The following TTI1 variants were observed in gnomAD, a reference collection of about 807,000 sequenced individuals.
TTI1 encodes the protein TELO2-interacting protein 1 homolog.
TTI1 carries 52 observed loss-of-function variants against 85.4 expected under a neutral mutation model. The ratio of observed to expected loss-of-function variants is 0.61; its 90% CI spans 0.49 to 0.77. The LOEUF (loss-of-function observed/expected upper bound fraction) is 0.77, where lower values mean the gene tolerates loss of function less well. Ranked by LOEUF, TTI1 falls within the 30% of genes least tolerant of loss-of-function variation. The pLI is 0.00. For missense variants in TTI1, 1,173 were observed against 1,296.0 expected (o/e 0.91, Z 1.46); for synonymous variants, 512 against 503.9 (o/e 1.02, Z -0.22).
chr20:37,989,559 G>T (rs1810245645), intron 7 of TTI1, among the ~76,000 whole-genome samples: 1 of 152,236 alleles, frequency 6.6e-6, no homozygotes, highest in Admixed American at 6.5e-5. Flanking sequence ...CATCTGGCCA[G>T]TTCTCCTGCC....
In TTI1 at chr20:37,999,346, TCAG is replaced by T. The variant is rs777112475; in HGVS notation, c.2653-21_2653-19del. The T allele has an allele frequency of 7.2e-7, 1 of 1,385,104 alleles. No individual in the cohort carries two copies. The highest frequency in any genetic ancestry group is 1.9e-5 in the South Asian group (1 of 52,850). The allele number at this position is 1,385,104 out of a possible 1,614,324, so 85.8% of individuals were successfully genotyped here. A position where few individuals can be genotyped will look rare whatever the true frequency, so the allele number is the denominator to read the frequency against. On this transcript the variant is annotated intron_variant, in intron 4 of 7. Transcript: ENST00000373447. ...TCCAAGACCTGAAAGAGACACGATT[TCAG>T]CAGATGGTATAGGCTTGAAAACAGA...
chr20:38,004,408 C>T (rs976132631), intron 3 of TTI1, among the ~76,000 whole-genome samples: 1 of 152,194 alleles, frequency 6.6e-6, no homozygotes, highest in Non-Finnish European at 1.5e-5. Flanking sequence ...CAGACTCTTA[C>T]AGTAGAGGCT....
intron 2 of TTI1, among the ~76,000 whole-genome samples, chr20:38,007,395 G>A (rs2073516862): frequency 6.6e-6 from 1 of 152,192 alleles, no homozygotes; most frequent in Non-Finnish European, 1.5e-5. Flanking sequence ...TTCAAACTGT[G>A]CCTTGAGGAG....
Position 37,996,354 on chromosome 20 carries a change from C to T in TTI1, c.3086+21G>A, listed in dbSNP as rs2273349. On this transcript the variant is annotated intron_variant, in intron 7 of 7. Transcript: ENST00000373447. ...AATTTAGAACAAACGTAAAGGGATG[C>T]GGGTGATCAGGCAGACGTACCTCCT... is the stretch of plus-strand genomic sequence containing the variant. 1.3e-5 allele frequency: 21 copies of T among 1,612,712 alleles called. No homozygotes were observed. In the East Asian group the frequency reaches 1.3e-4, roughly 10 times the overall value.
chr20:37,996,672 A>G, intron 6 of TTI1, 77 bp downstream of exon 6: 1 of 1,524,848 alleles, frequency 6.6e-7, no homozygotes. Flanking sequence ...GGGGGGCACG[A>G]CTGAGCAGAG....
At chr20:38,019,825 T>G (rs1285228971) in intron 1 of TTI1, among the ~76,000 whole-genome samples, 1 of 152,216 alleles carries the variant, frequency 6.6e-6, no homozygotes, top group Non-Finnish European at 1.5e-5. Flanking sequence ...GCAGCATCCT[T>G]GGCCTCTGTA....
At chr20:38,030,068 C>T (rs771314135) in intron 1 of TTI1, among the ~76,000 whole-genome samples, 61 of 152,212 alleles carry the variant, frequency 4.0e-4, no homozygotes, top group Middle Eastern at 3.4e-3. Context: ...AATAGCTTTA[C>T]CCATATAAAT....
chr20:37,984,150 G>C (rs143546918), intron 7 of TTI1, among the ~76,000 whole-genome samples: 382 of 152,322 alleles, frequency 2.5e-3, no homozygotes, highest in African/African-American at 8.2e-3. Flanking sequence ...TCCTGGCTGA[G>C]AGCCATGGAT....
chr20:37,983,333 G>A lies in TTI1; in HGVS notation c.*123C>T, dbSNP rs1352381183. 33 of 919,104 alleles carry A rather than the reference G, an allele frequency of 3.6e-5. No homozygotes were observed. The highest frequency in any genetic ancestry group is 3.1e-4 in the South Asian group (18 of 58,178). The allele number at this position is 919,104 out of a possible 1,614,324, so 56.9% of individuals were successfully genotyped here. A position where few individuals can be genotyped will look rare whatever the true frequency, so the allele number is the denominator to read the frequency against. ...TGTGTGATCGATCAATTTATAAATC[G>A]ATTGGCTAACTAATTCACCTTCTCT... On this transcript the variant is annotated 3_prime_UTR_variant, in exon 8 of 8. Transcript: ENST00000373447.
At chr20:38,018,556 G>T (rs1337062252) in intron 1 of TTI1, among the ~76,000 whole-genome samples, 1 of 152,038 alleles carries the variant, frequency 6.6e-6, no homozygotes, top group Non-Finnish European at 1.5e-5. Context: ...CAAAACAAAT[G>T]AAAGAGATCA....
intron 3 of TTI1, among the ~76,000 whole-genome samples, chr20:38,005,338 A>ATTG (rs2073480742): frequency 6.6e-6 from 1 of 152,182 alleles, no homozygotes; most frequent in South Asian, 2.1e-4. Context: ...CCGTGACCTG[A>ATTG]AGCTCCAGAT....
chr20:38,026,070 C>T (rs573641416), intron 1 of TTI1, among the ~76,000 whole-genome samples: 5 of 152,278 alleles, frequency 3.3e-5, no homozygotes, highest in African/African-American at 1.2e-4. Flanking sequence ...AGAAATTTAT[C>T]CCAAGACTCT....
At chr20:37,997,652 G>T (rs981076916) in intron 5 of TTI1, among the ~76,000 whole-genome samples, 1 of 152,158 alleles carries the variant, frequency 6.6e-6, no homozygotes, top group Non-Finnish European at 1.5e-5. Context: ...TTTAAAAATT[G>T]GTAAGCAAGG....
At chr20:38,023,727 G>T (rs2073799765) in intron 1 of TTI1, among the ~76,000 whole-genome samples, 2 of 152,338 alleles carry the variant, frequency 1.3e-5, no homozygotes, top group African/African-American at 4.8e-5. Flanking sequence ...AAAGAAGCTG[G>T]ATAAACATTA....
intron 1 of TTI1, among the ~76,000 whole-genome samples, chr20:38,028,696 C>A (rs992182215): frequency 2.0e-5 from 3 of 152,162 alleles, no homozygotes; most frequent in Non-Finnish European, 4.4e-5. Context: ...TAGCAGACTA[C>A]ACATTCTTTT....
chr20:38,001,394 A>G (rs2073423343), intron 4 of TTI1, among the ~76,000 whole-genome samples: 1 of 152,240 alleles, frequency 6.6e-6, no homozygotes, highest in Non-Finnish European at 1.5e-5. Flanking sequence ...TCTGACTCCA[A>G]CACTGATGTT....
chr20:38,020,170 T>C (rs745305654), intron 1 of TTI1, among the ~76,000 whole-genome samples: 57 of 151,016 alleles, frequency 3.8e-4, no homozygotes, highest in Admixed American at 4.6e-4. Flanking sequence ...TAAAGAAAAA[T>C]GAACAGAACA....
At chr20:38,002,537 G>T in intron 4 of TTI1, 91 bp downstream of exon 4, 1 of 1,516,344 alleles carries the variant, frequency 6.6e-7, no homozygotes, top group Non-Finnish European at 9.0e-7. Flanking sequence ...GAGATAAGGG[G>T]AGCTACGTGC....
intron 1 of TTI1, among the ~76,000 whole-genome samples, chr20:38,021,797 G>C (rs2073775067): frequency 6.6e-6 from 1 of 152,170 alleles, no homozygotes; most frequent in Non-Finnish European, 1.5e-5. Flanking sequence ...TGTAACAGGG[G>C]TGGGCTATAA....
Sources: gnomAD v4.1 joint callset for allele counts (sites outside exome capture counted in the v4.1 genomes callset) on GRCh38, gnomAD v4.1.1 for gene constraint, MANE v1.5 for transcripts, NCBI Gene and HGNC (gene_info 2026-07-23, HGNC 2026-07-21) for gene names.